NMT1: variants seen among roughly 807,000 people sequenced by gnomAD.
NMT1 encodes the protein N-myristoyltransferase 1.
NMT1 carries 12 observed loss-of-function variants against 63.4 expected under a neutral mutation model. The observed-to-expected ratio is 0.19, with a 90% CI of 0.12 to 0.31. NMT1 has a LOEUF of 0.31. NMT1 is among the 10% of genes least tolerant of loss of function. The pLI is 1.00. For missense variants in NMT1, 432 were observed against 634.6 expected (o/e 0.68, Z 3.43); for synonymous variants, 228 against 234.3 (o/e 0.97, Z 0.25).
chr17:45,084,321 T>C (rs1438696554), intron 2 of NMT1, among the ~76,000 whole-genome samples: 2 of 143,664 alleles, frequency 1.4e-5, no homozygotes. Flanking sequence ...TTGGCATAGA[T>C]TAAGGCTTGG....
chr17:45,096,376 C>A, intron 5 of NMT1, 91 bp downstream of exon 5: 2 of 1,010,910 alleles, frequency 2.0e-6, no homozygotes, highest in Non-Finnish European at 3.2e-6. Context: ...CTGCCAGGGG[C>A]CAACCTTTGA....
At position 45,103,792 on chromosome 17, in the gene NMT1, C is replaced by G. The variant is rs773592883; in HGVS notation, c.1248C>G (p.Leu416=). The G allele has an allele frequency of 7.4e-6, 12 of 1,614,204 alleles. No homozygotes were observed. Among genetic ancestry groups the G allele is most frequent in the Non-Finnish European group, 1.0e-5 (12 of 1,180,038 alleles). ...TIMNHPTHKS[L]KAAYSFYNVH... is the part of the protein sequence containing the mutation. ...TGAACCATCCAACCCACAAGAGTCT[C>G]AAAGCTGCTTATTCTTTCTACAACG... The change falls in exon 10 of 12, where the codon CTC becomes CTG. Residue 416 remains leucine (L), a synonymous_variant. Transcript: ENST00000258960. The surrounding 1 kb of genome is among the most constrained non-coding windows in gnomAD (Gnocchi z 4.8).
Position 45,104,157 on chromosome 17 carries a change from C to T in NMT1, c.1332+281C>T. On this transcript the variant is annotated intron_variant, in intron 10 of 11. Transcript: ENST00000258960. The surrounding 1 kb of genome is among the most constrained non-coding windows in gnomAD (Gnocchi z 4.2). ...AAGGAGCCTGAATAGCCAGGCCTTC[C>T]CTGGGAGGACAGGGCTTCTCCTCAC... is the stretch of plus-strand genomic sequence containing the variant. The T allele has an allele frequency of 7.5e-7, 1 of 1,329,100 alleles. No homozygotes were observed. The highest frequency in any genetic ancestry group is 9.7e-7 in the Non-Finnish European group (1 of 1,030,966). The allele number at this position is 1,329,100 out of a possible 1,614,324, so 82.3% of individuals were successfully genotyped here.
At chr17:45,079,167 T>C (rs2143475269) in intron 1 of NMT1, among the ~76,000 whole-genome samples, 1 of 151,566 alleles carries the variant, frequency 6.6e-6, no homozygotes, top group East Asian at 2.0e-4. Flanking sequence ...TGCAATGGCA[T>C]GATATTGGCT....
Position 45,093,707 on chromosome 17 carries a change from C to T in NMT1, c.408C>T (p.Gly136=), listed in dbSNP as rs1269052802. 2 of 1,614,210 alleles carry T rather than the reference C, an allele frequency of 1.2e-6. No homozygotes were observed. Among genetic ancestry groups the T allele is most frequent in the Non-Finnish European group, 1.7e-6 (2 of 1,180,014 alleles). Residue 136 remains glycine (G), a synonymous_variant, in exon 4 of 12, where the codon GGC becomes GGT. Coordinates refer to ENST00000258960, the MANE Select transcript of NMT1 (RefSeq NM_021079.5). ...CAGGCGAAGTGGTGAACACCCATGG[C>T]CCCGTGGAGCCTGACAAGGACAATA... The part of the protein sequence containing the change: ...PKLGEVVNTH[G]PVEPDKDNIR...
Position 45,105,883 on chromosome 17 carries a change from C to T in NMT1, c.*244C>T, listed in dbSNP as rs1025193535. 5.9e-5 allele frequency: 29 copies of T among 495,076 alleles called. 1 individual carries two copies. Among genetic ancestry groups the T allele is most frequent in the South Asian group, 8.3e-5 (3 of 36,200 alleles). 30.7% of individuals were successfully genotyped at this position (495,076 alleles called of 1,614,324 possible). The stretch of plus-strand genomic sequence containing the variant: ...CCAGTTAATTACATCCTCATGCAGC[C>T]GTGATCAAGGGAATGTAACTGCTGA... On this transcript the variant is annotated 3_prime_UTR_variant, in exon 12 of 12. Transcript: ENST00000258960. The surrounding 1 kb of genome is among the most constrained non-coding windows in gnomAD (Gnocchi z 4.2).
rs753488937 is a variant in NMT1, at chr17:45,102,999, G to C, written c.1042G>C (p.Val348Leu). Residue 348 changes from valine (V) to leucine (L), a missense_variant, in exon 9 of 12, where the codon GTA (valine) becomes CTA (leucine). Val to Leu is a conservative substitution (Grantham distance 32, BLOSUM62 1). Transcript: ENST00000258960. ...LRPMETKDIP[V>L]VHQLLTRYLK... ...ACCAATGGAAACAAAGGACATTCCA[G>C]TAGTGCACCAGCTCCTCACCAGGTA... 7 of 1,614,086 alleles carry C rather than the reference G, an allele frequency of 4.3e-6. 1 individual carries two copies. The South Asian group carries it at 7.7e-5, about 18-fold the overall frequency.
At chr17:45,094,181 T>A (rs1049128746) in intron 4 of NMT1, among the ~76,000 whole-genome samples, 15 of 152,038 alleles carry the variant, frequency 9.9e-5, no homozygotes, top group African/African-American at 3.6e-4. Flanking sequence ...ACCTGAGGGA[T>A]TTATTTCCCT....
chr17:45,106,484 G>C lies in NMT1; in HGVS notation c.*845G>C, dbSNP rs906689685. On this transcript the variant is annotated 3_prime_UTR_variant, in exon 12 of 12. Transcript: ENST00000258960. ...CCAACCTTATAGGGATGAGTCCCCTGTGAGATTTTGCTTTTCCACTGCCTG... is the reference window on the plus strand; with the variant it reads ...CCAACCTTATAGGGATGAGTCCCCTCTGAGATTTTGCTTTTCCACTGCCTG... 1 of 152,628 alleles carries C rather than the reference G, an allele frequency of 6.6e-6. No homozygotes were observed. The highest frequency in any genetic ancestry group is 2.4e-5 in the African/African-American group (1 of 41,476). The allele number at this position is 152,628 out of a possible 1,614,324, so 9.5% of individuals were successfully genotyped here.
chr17:45,065,271 C>A (rs1416226764), intron 1 of NMT1, among the ~76,000 whole-genome samples: 1 of 152,124 alleles, frequency 6.6e-6, no homozygotes, highest in East Asian at 1.9e-4. Context: ...ATTTTTCTTA[C>A]ATACACATTT....
At chr17:45,092,593 C>G (rs1354334790) in intron 3 of NMT1, among the ~76,000 whole-genome samples, 1 of 151,056 alleles carries the variant, frequency 6.6e-6, no homozygotes, top group Non-Finnish European at 1.5e-5. Context: ...ACCTGTAATT[C>G]CAGCCACTCG....
intron 8 of NMT1, among the ~76,000 whole-genome samples, chr17:45,101,407 G>T (rs1335079777): frequency 6.6e-6 from 1 of 150,566 alleles, no homozygotes; most frequent in African/African-American, 2.4e-5. Flanking sequence ...GGTGGATCAC[G>T]AGGTCAAGAG....
At position 45,104,744 on chromosome 17, in the gene NMT1, G is replaced by C; in HGVS notation, c.1333-115G>C. 1 of 1,529,820 alleles carries C rather than the reference G, an allele frequency of 6.5e-7. No homozygotes were observed. The highest frequency in any genetic ancestry group is 8.8e-7 in the Non-Finnish European group (1 of 1,138,298). 94.8% of individuals were successfully genotyped at this position (1,529,820 alleles called of 1,614,324 possible). The stretch of plus-strand genomic sequence containing the variant: ...CGTGGAAGCAGCGGAGCTTCTGAGG[G>C]AACCTTGTTCTTGTGGCTGCCCACA... On this transcript the variant is annotated intron_variant, in intron 10 of 11. Transcript: ENST00000258960. The surrounding 1 kb of genome is among the most constrained non-coding windows in gnomAD (Gnocchi z 4.2).
At chr17:45,101,846 G>A (rs948993066) in intron 8 of NMT1, among the ~76,000 whole-genome samples, 2 of 152,110 alleles carry the variant, frequency 1.3e-5, no homozygotes, top group African/African-American at 2.4e-5. Flanking sequence ...CTGCAGTACC[G>A]TTAGACACTG....
chr17:45,104,706 G>C lies in NMT1; in HGVS notation c.1333-153G>C. 1 of 1,461,646 alleles carries C rather than the reference G, an allele frequency of 6.8e-7. No homozygotes were observed. The highest frequency in any genetic ancestry group is 1.4e-5 in the South Asian group (1 of 70,930). 90.5% of individuals were successfully genotyped at this position (1,461,646 alleles called of 1,614,324 possible). A position where few individuals can be genotyped will look rare whatever the true frequency, so the allele number is the denominator to read the frequency against. On this transcript the variant is annotated intron_variant, in intron 10 of 11. Transcript: ENST00000258960. The surrounding 1 kb of genome is among the most constrained non-coding windows in gnomAD (Gnocchi z 4.2). ...CAGAGTGTCCTGAGAACCACCCGGA[G>C]AGCGGGGATTAACGTGGAAGCAGCG...
intron 1 of NMT1, among the ~76,000 whole-genome samples, chr17:45,080,613 C>T (rs1291748533): frequency 4.6e-5 from 7 of 151,232 alleles, no homozygotes; most frequent in African/African-American, 7.3e-5. Flanking sequence ...GGACTACAGG[C>T]GCCCGCCACC....
intron 2 of NMT1, among the ~76,000 whole-genome samples, chr17:45,084,901 GCCTCTTTC>G (rs1303707135): frequency 6.6e-6 from 1 of 152,074 alleles, no homozygotes; most frequent in Non-Finnish European, 1.5e-5. Flanking sequence ...GACCCAGCAG[GCCTCTTTC>G]TTAACTTCAT....
At chr17:45,065,137 C>T (rs116726338) in intron 1 of NMT1, among the ~76,000 whole-genome samples, 71 of 152,210 alleles carry the variant, frequency 4.7e-4, no homozygotes, top group African/African-American at 1.6e-3. Flanking sequence ...ATTGTGTCTT[C>T]GAAATGCCTA....
At position 45,071,238 on chromosome 17, in the gene NMT1, A is replaced by G. The variant is rs182836799; in HGVS notation, c.131+9778A>G. ...GAAAATTTGAATTTCTGCCCAAAAA[A>G]TTCATTTTTTATTTGAGACAAGGTT... is the stretch of plus-strand genomic sequence containing the variant. On this transcript the variant is annotated intron_variant, in intron 1 of 11. Coordinates refer to ENST00000258960, the MANE Select transcript of NMT1 (RefSeq NM_021079.5). Among the ~76,000 whole-genome samples the G allele has an allele frequency of 5.0e-4, 76 of 152,296 alleles. 1 individual carries two copies. Among genetic ancestry groups the G allele is most frequent in the Admixed American group, 1.5e-3 (23 of 15,268 alleles).
Sources: gnomAD v4.1 joint callset for allele counts (sites outside exome capture counted in the v4.1 genomes callset) on GRCh38, gnomAD v4.1.1 for gene constraint, Gnocchi (gnomAD v3.1) non-coding constraint, MANE v1.5 for transcripts, NCBI Gene and HGNC (gene_info 2026-07-23, HGNC 2026-07-21) for gene names.